The following CNTNAP4 variants were observed in gnomAD, a reference collection of about 807,000 sequenced individuals.
CNTNAP4 encodes contactin-associated protein-like 4.
Under a neutral mutation model 148.4 loss-of-function variants are expected in CNTNAP4, and 98 were observed. The observed-to-expected ratio is 0.66, with a 90% CI of 0.56 to 0.78. The LOEUF is 0.78. Among genes scored for constraint, CNTNAP4 ranks in the 30% least tolerant of loss-of-function variants. The pLI is 0.00. For missense variants in CNTNAP4, 1,935 were observed against 1,565.6 expected, an observed-to-expected ratio of 1.24 and a Z score of -3.98; for synonymous variants, 730 against 565.1, an observed-to-expected ratio of 1.29 and a Z score of -4.14.
At chr16:76,413,234 C>T (rs768328205) in intron 3 of CNTNAP4, among the ~76,000 whole-genome samples, 15 of 151,194 alleles carry the variant, frequency 9.9e-5, no homozygotes, top group Non-Finnish European at 1.8e-4. Flanking sequence ...GTTAACCATC[C>T]CCACCTCCCT....
chr16:76,535,652 C>G lies in CNTNAP4; in HGVS notation c.2863C>G (p.Gln955Glu), dbSNP rs780692129. 10 of 1,614,046 alleles carry G rather than the reference C, an allele frequency of 6.2e-6. No individual in the cohort carries two copies. Among genetic ancestry groups the G allele is most frequent in the South Asian group, 1.1e-5 (1 of 91,078 alleles). Residue 955 changes from glutamine (Q) to glutamate (E), a missense_variant, in exon 18 of 24, where the codon CAG becomes GAG. By Grantham distance (29) the Gln-to-Glu change is conservative. Transcript: ENST00000611870. The stretch of plus-strand genomic sequence containing the variant: ...AAGAGCCCAGGTGACTCCAGAAGTG[C>G]AGCCAGGTTGTAGGGGACATTGCAG... ...EERAQVTPEV[Q>E]PGCRGHCSSY...
intron 1 of CNTNAP4, among the ~76,000 whole-genome samples, chr16:76,311,715 C>G (rs1961136695): frequency 6.6e-6 from 1 of 152,072 alleles, no homozygotes; most frequent in Non-Finnish European, 1.5e-5. Context: ...CAATGATGAA[C>G]TCAACATACC....
At chr16:76,472,856 A>G (rs1286356380) in intron 10 of CNTNAP4, among the ~76,000 whole-genome samples, 1 of 152,120 alleles carries the variant, frequency 6.6e-6, no homozygotes, top group Non-Finnish European at 1.5e-5. Flanking sequence ...AATGGGTACT[A>G]AGCTTTATAC....
chr16:76,322,559 C>T (rs191441719), intron 2 of CNTNAP4, among the ~76,000 whole-genome samples: 96 of 152,296 alleles, frequency 6.3e-4, no homozygotes, highest in African/African-American at 2.1e-3. Flanking sequence ...CAAGATATTT[C>T]ACCACCAAAC....
Position 76,558,409 on chromosome 16 carries a change from T to C in CNTNAP4, c.3734-81T>C, listed in dbSNP as rs145349082. On this transcript the variant is annotated intron_variant, in intron 23 of 23. Transcript: ENST00000611870. ...ATGCTTAAAGTGGAAAATAGTGTTA[T>C]GATGACTTATTAAGCAATGAAGTCA... The C allele has an allele frequency of 2.1e-4, 160 of 755,528 alleles. 1 individual carries two copies. The highest frequency in any genetic ancestry group is 1.2e-3 in the Middle Eastern group (4 of 3,282). 46.8% of individuals were successfully genotyped at this position (755,528 alleles called of 1,614,324 possible).
At chr16:76,410,545 C>T (rs561926616) in intron 3 of CNTNAP4, among the ~76,000 whole-genome samples, 1 of 151,754 alleles carries the variant, frequency 6.6e-6, no homozygotes, top group South Asian at 2.1e-4. Context: ...CAGTTTACAC[C>T]AGTCTAAAAC....
chr16:76,360,796 C>A (rs28417722), intron 3 of CNTNAP4, among the ~76,000 whole-genome samples: 21,548 of 149,964 alleles, frequency 0.14, 2,150 homozygotes, highest in East Asian at 0.47. Context: ...CTGCTAATGC[C>A]TGGTTAAAAC....
chr16:76,438,575 A>G (rs190813680), intron 4 of CNTNAP4, among the ~76,000 whole-genome samples: 6 of 152,188 alleles, frequency 3.9e-5, no homozygotes, highest in African/African-American at 1.2e-4. Context: ...AGACTTATCC[A>G]ACAAAACTTG....
chr16:76,355,356 C>G lies in CNTNAP4; in HGVS notation c.235C>G (p.Gln79Glu), dbSNP rs1332207241. 3 of 1,597,182 alleles carry G rather than the reference C, an allele frequency of 1.9e-6. No homozygotes were observed. The highest frequency in any genetic ancestry group is 2.2e-5 in the South Asian group (2 of 88,978). The part of the protein sequence containing the change: ...GWSPLVSNKY[Q>E]WLQIDLGERM... ...GTCTCCACTTGTGTCTAACAAATAC[C>G]AGTGGTTGCAGATTGACCTTGGAGA... Residue 79 changes from glutamine to glutamate, a missense_variant, in exon 3 of 24, where the codon CAG (glutamine) becomes GAG (glutamate). Transcript: ENST00000611870.
intron 1 of CNTNAP4, among the ~76,000 whole-genome samples, chr16:76,282,889 A>G (rs1958740784): frequency 6.6e-6 from 1 of 151,910 alleles, no homozygotes; most frequent in Non-Finnish European, 1.5e-5. Flanking sequence ...TTTTCAAAAC[A>G]AATGGTCACT....
At chr16:76,421,148 G>A (rs545821875) in intron 3 of CNTNAP4, among the ~76,000 whole-genome samples, 1 of 152,064 alleles carries the variant, frequency 6.6e-6, no homozygotes, top group South Asian at 2.1e-4. Flanking sequence ...GTACTAAACA[G>A]TATATTTTAT....
At chr16:76,556,654 T>C (rs1733462624) in intron 23 of CNTNAP4, among the ~76,000 whole-genome samples, 1 of 152,250 alleles carries the variant, frequency 6.6e-6, no homozygotes, top group African/African-American at 2.4e-5. Context: ...GAAATATTTA[T>C]AGCAATTCAA....
intron 3 of CNTNAP4, among the ~76,000 whole-genome samples, chr16:76,380,329 G>T (rs2015840682): frequency 6.6e-6 from 1 of 152,154 alleles, no homozygotes; most frequent in Admixed American, 6.6e-5. Flanking sequence ...ACCAGGATTT[G>T]TATGTGCTGG....
At chr16:76,392,728 C>G (rs1160472412) in intron 3 of CNTNAP4, among the ~76,000 whole-genome samples, 1 of 152,136 alleles carries the variant, frequency 6.6e-6, no homozygotes, top group Non-Finnish European at 1.5e-5. Context: ...TAGGGAGGAG[C>G]TCTTTTTTGA....
At chr16:76,460,773 A>AAAAAAAAAT in intron 8 of CNTNAP4, among the ~76,000 whole-genome samples, 11 of 57,328 alleles carry the variant, frequency 1.9e-4, no homozygotes, top group African/African-American at 6.4e-4. Context: ...AAAAAAAAAA[A>AAAAAAAAAT]ATATATATAT....
chr16:76,461,887 G>T (rs2080976861), intron 8 of CNTNAP4, 69 bp from the exon 9 acceptor site: 1 of 1,353,776 alleles, frequency 7.4e-7, no homozygotes, highest in South Asian at 1.2e-5. Flanking sequence ...TGTGTATATT[G>T]CTGTTTCTAA....
intron 4 of CNTNAP4, among the ~76,000 whole-genome samples, chr16:76,428,955 C>T (rs113924120): frequency 1.3e-4 from 20 of 152,214 alleles, no homozygotes; most frequent in African/African-American, 4.3e-4. Flanking sequence ...TTGACTTGCT[C>T]AAGCCACACA....
At chr16:76,446,930 C>T (rs1245040316) in intron 4 of CNTNAP4, among the ~76,000 whole-genome samples, 10 of 152,092 alleles carry the variant, frequency 6.6e-5, no homozygotes, top group Admixed American at 6.6e-4. Context: ...CATTAAAAAA[C>T]ATTGATTGTG....
intron 3 of CNTNAP4, among the ~76,000 whole-genome samples, chr16:76,361,957 T>C (rs188892378): frequency 1.1e-4 from 16 of 152,310 alleles, no homozygotes; most frequent in Admixed American, 3.3e-4. Context: ...ACCTGCTGGT[T>C]ATGTGTATAT....
Sources: gnomAD v4.1 joint callset for allele counts (sites outside exome capture counted in the v4.1 genomes callset) on GRCh38, gnomAD v4.1.1 for gene constraint, MANE v1.5 for transcripts, NCBI Gene and HGNC (gene_info 2026-07-23, HGNC 2026-07-21) for gene names.